Variants in FRRS1 observed in about 807,000 individuals in gnomAD.
FRRS1 encodes the protein ferric chelate reductase 1.
FRRS1 carries 51 observed loss-of-function variants against 70.7 expected under a neutral mutation model. That is an observed-to-expected ratio of 0.72 (90% CI 0.58 to 0.91). The LOEUF (loss-of-function observed/expected upper bound fraction) is 0.91, where lower values mean the gene tolerates loss of function less well. FRRS1 is among the 40% of genes least tolerant of loss of function. The probability of loss-of-function intolerance (pLI) is 0.00; values close to 1 mark genes in which losing one functional copy is unlikely to be tolerated. For synonymous variants in FRRS1, 225 were observed against 238.7 expected, an observed-to-expected ratio of 0.94 and a Z score of 0.53; for missense variants, 672 against 726.0, an observed-to-expected ratio of 0.93 and a Z score of 0.86.
At chr1:99,747,534 T>A in intron 3 of FRRS1, 104 bp from the exon 4 acceptor site, 2 of 1,048,038 alleles carry the variant, frequency 1.9e-6, no homozygotes, top group Non-Finnish European at 1.4e-6. Context: ...TATGCAAAAG[T>A]ACTCCTGGAG....
At chr1:99,747,573 G>T in intron 3 of FRRS1, 143 bp from the exon 4 acceptor site, 1 of 711,034 alleles carries the variant, frequency 1.4e-6, no homozygotes, top group Non-Finnish European at 2.2e-6. Context: ...AGGCAAAGAA[G>T]CTCTAAACTT....
rs1347078843 is a variant in FRRS1, at chr1:99,742,250, A to C, written c.357T>G (p.Ser119Arg). The C allele has an allele frequency of 1.1e-5, 18 of 1,608,876 alleles. No homozygotes were observed. Among genetic ancestry groups the C allele is most frequent in the Non-Finnish European group, 1.5e-5 (18 of 1,175,394 alleles). ...DIQGSAVSHRSASKKTEIKVY... is the reference protein window; with the variant it reads ...DIQGSAVSHRRASKKTEIKVY... ...CTTTAATTTCTGTTTTTTTAGATGC[A>C]CTTCTGTGACTCACTGCTGATCCCT... is the stretch of plus-strand genomic sequence containing the variant. Residue 119 changes from serine (S) to arginine (R), a missense_variant, in exon 5 of 17, where the codon AGT (serine) becomes AGG (arginine). Ser to Arg is a moderately radical substitution (Grantham distance 110, BLOSUM62 -1). Coordinates refer to ENST00000646001, the MANE Select transcript of FRRS1 (RefSeq NM_001361041.2).
intron 1 of FRRS1, among the ~76,000 whole-genome samples, chr1:99,757,297 T>A (rs72960539): frequency 0.036 from 5,410 of 152,230 alleles, 290 homozygotes; most frequent in African/African-American, 0.12. Flanking sequence ...GATCTTAACC[T>A]GCAGTCTGAT....
At chr1:99,731,022 G>A (rs747703699) in intron 7 of FRRS1, among the ~76,000 whole-genome samples, 1 of 152,070 alleles carries the variant, frequency 6.6e-6, no homozygotes, top group Non-Finnish European at 1.5e-5. Context: ...GGCAACTGAG[G>A]GAGACCTTGC....
chr1:99,719,407 CAAAAA>C (rs71854810), intron 10 of FRRS1, 122 bp downstream of exon 10: 144 of 389,752 alleles, frequency 3.7e-4, no homozygotes, highest in East Asian at 7.2e-4. Context: ...GACTCCATCT[CAAAAA>C]AAAAAAAAAA....
chr1:99,762,360 A>G (rs1200306194), intron 1 of FRRS1, among the ~76,000 whole-genome samples: 1 of 152,218 alleles, frequency 6.6e-6, no homozygotes, highest in Non-Finnish European at 1.5e-5. Flanking sequence ...ATCAAATGTC[A>G]GAAATAGTCA....
intron 12 of FRRS1, among the ~76,000 whole-genome samples, chr1:99,714,457 C>T (rs1264176150): frequency 6.6e-6 from 1 of 152,080 alleles, no homozygotes; most frequent in African/African-American, 2.4e-5. Flanking sequence ...GCTGGGATTA[C>T]AGGTGTGAGC....
chr1:99,704,390 G>A lies in FRRS1; in HGVS notation c.*4638C>T, dbSNP rs576896414. On this transcript the variant is annotated 3_prime_UTR_variant, in exon 17 of 17. Transcript: ENST00000646001. ...CAAGTCAGGGAAGGAGCTAGAACTTGATAAACTAGCTTTTGTAAGTGATAA... is the reference window on the plus strand; with the variant it reads ...CAAGTCAGGGAAGGAGCTAGAACTTAATAAACTAGCTTTTGTAAGTGATAA... 5.6e-4 allele frequency among the ~76,000 whole-genome samples: 86 copies of A among 152,302 alleles called. No homozygotes were observed. The highest frequency in any genetic ancestry group is 9.8e-4 in the Non-Finnish European group (67 of 68,032).
intron 1 of FRRS1, among the ~76,000 whole-genome samples, chr1:99,750,677 GA>G (rs56815242): frequency 2.6e-4 from 37 of 140,516 alleles, no homozygotes; most frequent in Non-Finnish European, 3.0e-4. Flanking sequence ...AAACTGAAAA[GA>G]AAAAAAAAAA....
chr1:99,720,009 G>T (rs560903714), intron 9 of FRRS1, among the ~76,000 whole-genome samples: 1 of 152,168 alleles, frequency 6.6e-6, no homozygotes, highest in African/African-American at 2.4e-5. Context: ...TATTGAAAGA[G>T]AATACATATT....
Position 99,705,249 on chromosome 1 carries a change from G to T in FRRS1, c.*3779C>A, listed in dbSNP as rs865934037. Among the ~76,000 whole-genome samples the T allele has an allele frequency of 2.6e-5, 4 of 152,198 alleles. No individual in the cohort carries two copies. Among genetic ancestry groups the T allele is most frequent in the African/African-American group, 9.6e-5 (4 of 41,452 alleles). Reference sequence around the variant, plus strand: ...TCCCCATTCCACACCCTGCAAGGGGGACAAGGGAACATTTCCCGTTTCACT... The same window carrying T: ...TCCCCATTCCACACCCTGCAAGGGGTACAAGGGAACATTTCCCGTTTCACT... On this transcript the variant is annotated 3_prime_UTR_variant, in exon 17 of 17. Coordinates refer to ENST00000646001, the MANE Select transcript of FRRS1 (RefSeq NM_001361041.2).
intron 4 of FRRS1, among the ~76,000 whole-genome samples, 186 bp downstream of exon 4, chr1:99,747,106 AAC>A (rs66749580): frequency 0.49 from 75,115 of 152,062 alleles, 22,560 homozygotes; most frequent in African/African-American, 0.85. Context: ...TACAGTATAT[AAC>A]ACATATAAAT....
At chr1:99,720,519 A>T (rs1379566318) in intron 9 of FRRS1, among the ~76,000 whole-genome samples, 1 of 152,152 alleles carries the variant, frequency 6.6e-6, no homozygotes, top group Non-Finnish European at 1.5e-5. Context: ...CTTTGTCTAA[A>T]ACAAATGATA....
chr1:99,720,614 A>T (rs1428126763), intron 9 of FRRS1, among the ~76,000 whole-genome samples: 1 of 152,160 alleles, frequency 6.6e-6, no homozygotes, highest in East Asian at 1.9e-4. Flanking sequence ...AAATGCAACA[A>T]AACTAAAAAT....
At chr1:99,756,343 T>C (rs985410286) in intron 1 of FRRS1, among the ~76,000 whole-genome samples, 15 of 152,196 alleles carry the variant, frequency 9.9e-5, no homozygotes, top group African/African-American at 3.1e-4. Context: ...CTGATGAGAT[T>C]TGTACAGTTT....
Position 99,740,918 on chromosome 1 carries a change from T to A in FRRS1, c.451A>T (p.Lys151Ter). Residue 151 changes from lysine to a stop codon, truncating the protein, a stop_gained, in exon 6 of 17, where the codon AAA becomes TAA. Coordinates refer to ENST00000646001, the MANE Select transcript of FRRS1 (RefSeq NM_001361041.2). LOFTEE classifies it high-confidence loss of function. ...CCAGGAATCTTCACCCAGTAGATTTTATACTTCTCAACAACTGTGACTCTG... is the reference window on the plus strand; with the variant it reads ...CCAGGAATCTTCACCCAGTAGATTTAATACTTCTCAACAACTGTGACTCTG... Reference protein sequence around the residue: ...QFLVTVVEKYKIYWVKIPGPI... With the variant: ...QFLVTVVEKY The A allele has an allele frequency of 6.2e-7, 1 of 1,611,210 alleles. No individual in the cohort carries two copies. The highest frequency in any genetic ancestry group is 8.5e-7 in the Non-Finnish European group (1 of 1,177,348).
intron 4 of FRRS1, among the ~76,000 whole-genome samples, chr1:99,744,528 T>C (rs1199352408): frequency 6.6e-6 from 1 of 152,056 alleles, no homozygotes; most frequent in East Asian, 1.9e-4. Flanking sequence ...GGCTCATACC[T>C]GTAATCCCAG....
chr1:99,710,984 A>T (rs1358866636), intron 14 of FRRS1, 35 bp from the exon 15 acceptor site: 2 of 1,584,470 alleles, frequency 1.3e-6, no homozygotes, highest in African/African-American at 1.3e-5. Context: ...ATTCAAATGT[A>T]GTCCCACCAA....
At chr1:99,718,331 G>T (rs1367213070) in intron 10 of FRRS1, among the ~76,000 whole-genome samples, 5 of 152,126 alleles carry the variant, frequency 3.3e-5, no homozygotes, top group African/African-American at 9.6e-5. Flanking sequence ...TGGGTGTTTT[G>T]TTTTTTGTTT....
Sources: allele counts gnomAD v4.1 joint callset (sites outside exome capture counted in the v4.1 genomes callset), GRCh38; gene constraint gnomAD v4.1.1; transcripts MANE v1.5; gene names NCBI Gene and HGNC (gene_info 2026-07-23, HGNC 2026-07-21).